The following THSD7B variants were observed in gnomAD, a reference collection of about 807,000 sequenced individuals.
The protein encoded by THSD7B is thrombospondin type-1 domain-containing protein 7B.
A neutral mutation model predicts 213.6 loss-of-function variants in THSD7B; 138 were observed. The ratio of observed to expected loss-of-function variants is 0.65; its 90% CI spans 0.56 to 0.74. The LOEUF is 0.74. Among genes scored for constraint, THSD7B ranks in the 30% least tolerant of loss-of-function variants. The pLI, the probability that THSD7B is intolerant of heterozygous loss-of-function variation, is 0.00. For synonymous variants in THSD7B, 742 were observed against 687.0 expected (o/e 1.08, Z -1.25); for missense variants, 1,931 against 1,991.5 (o/e 0.97, Z 0.58).
chr2:136,874,403 T>C (rs1573681947), intron 1 of THSD7B, among the ~76,000 whole-genome samples: 1 of 152,190 alleles, frequency 6.6e-6, no homozygotes, highest in African/African-American at 2.4e-5. Flanking sequence ...TGCAGAATAT[T>C]GCAGTCAGAC....
intron 1 of THSD7B, among the ~76,000 whole-genome samples, chr2:136,830,798 GC>G (rs1271603328): frequency 6.6e-6 from 1 of 152,006 alleles, no homozygotes; most frequent in Non-Finnish European, 1.5e-5. Context: ...ATTTAGTTAT[GC>G]CCTGTCGAAA....
intron 20 of THSD7B, among the ~76,000 whole-genome samples, chr2:137,632,933 AC>A (rs1223691008): frequency 6.6e-6 from 1 of 152,086 alleles, no homozygotes; most frequent in Non-Finnish European, 1.5e-5. Flanking sequence ...GTATCCGGAG[AC>A]CTGAAGCAAC....
chr2:137,286,463 T>G (rs1231275671), intron 12 of THSD7B, among the ~76,000 whole-genome samples: 1 of 152,178 alleles, frequency 6.6e-6, no homozygotes, highest in Non-Finnish European at 1.5e-5. Flanking sequence ...TATCCTTGTA[T>G]TTTAGGAGAC....
intron 15 of THSD7B, among the ~76,000 whole-genome samples, chr2:137,519,042 TC>T (rs1371931140): frequency 6.6e-6 from 1 of 152,084 alleles, no homozygotes; most frequent in East Asian, 1.9e-4. Flanking sequence ...GGTCAGGAGT[TC>T]AAGACCAGCC....
At chr2:137,614,935 G>T (rs552760142) in intron 17 of THSD7B, among the ~76,000 whole-genome samples, 1 of 152,098 alleles carries the variant, frequency 6.6e-6, no homozygotes, top group Non-Finnish European at 1.5e-5. Flanking sequence ...GGAATAAAAA[G>T]CAAATAAAAT....
intron 2 of THSD7B, among the ~76,000 whole-genome samples, chr2:136,904,092 G>A (rs1025413963): frequency 6.6e-6 from 1 of 152,014 alleles, no homozygotes; most frequent in Middle Eastern, 3.2e-3. Context: ...AGAATAAGAG[G>A]AGGCCTTTTA....
chr2:136,957,500 A>T (rs1402110106), intron 2 of THSD7B, among the ~76,000 whole-genome samples: 1 of 151,794 alleles, frequency 6.6e-6, no homozygotes, highest in Admixed American at 6.6e-5. Flanking sequence ...TCTTTCTGAA[A>T]CTAGTACCAG....
At chr2:136,996,052 A>G (rs1685881071) in intron 2 of THSD7B, among the ~76,000 whole-genome samples, 1 of 152,186 alleles carries the variant, frequency 6.6e-6, no homozygotes, top group Non-Finnish European at 1.5e-5. Flanking sequence ...GTATCTTTGA[A>G]GAGCAACATA....
intron 12 of THSD7B, among the ~76,000 whole-genome samples, chr2:137,305,223 G>T (rs1003625263): frequency 6.6e-6 from 1 of 152,112 alleles, no homozygotes; most frequent in African/African-American, 2.4e-5. Context: ...GAAGTCTTAT[G>T]CCAATCAGGC....
At chr2:136,778,592 T>C (rs1681657066) in intron 1 of THSD7B, among the ~76,000 whole-genome samples, 1 of 152,204 alleles carries the variant, frequency 6.6e-6, no homozygotes, top group African/African-American at 2.4e-5. Context: ...TTTTGATGCA[T>C]CTTTTAAAAA....
At chr2:137,658,951 C>T (rs1006718701) in intron 24 of THSD7B, among the ~76,000 whole-genome samples, 1 of 152,190 alleles carries the variant, frequency 6.6e-6, no homozygotes, top group Non-Finnish European at 1.5e-5. Flanking sequence ...TCTCATGTCT[C>T]TTTTACTATC....
intron 20 of THSD7B, among the ~76,000 whole-genome samples, chr2:137,637,257 A>G (rs1264735706): frequency 6.6e-6 from 1 of 152,184 alleles, no homozygotes; most frequent in East Asian, 1.9e-4. Flanking sequence ...CTCTTTATTG[A>G]TAACATCCAC....
intron 3 of THSD7B, among the ~76,000 whole-genome samples, chr2:137,058,496 G>GA (rs34412469): frequency 4.6e-5 from 7 of 151,742 alleles, no homozygotes; most frequent in Non-Finnish European, 7.4e-5. Flanking sequence ...TAAATTTTCA[G>GA]AAAAAATGAG....
chr2:137,047,288 A>T (rs1187961106), intron 2 of THSD7B, among the ~76,000 whole-genome samples: 2 of 152,044 alleles, frequency 1.3e-5, no homozygotes, highest in Non-Finnish European at 2.9e-5. Flanking sequence ...ATCTTTGTAA[A>T]CCTTCCTGAA....
chr2:137,336,550 A>G (rs1684642980), intron 12 of THSD7B, among the ~76,000 whole-genome samples: 1 of 152,118 alleles, frequency 6.6e-6, no homozygotes, highest in South Asian at 2.1e-4. Context: ...TTCATATCAA[A>G]CCAAAATCAA....
Position 136,779,196 on chromosome 2 carries a change from ATATGTGTGTGTGTG to A in THSD7B, c.-36+13511_-36+13524del, listed in dbSNP as rs1326806088. Among the ~76,000 whole-genome samples, 111 of 134,366 alleles carry A rather than the reference ATATGTGTGTGTGTG, an allele frequency of 8.3e-4. 1 individual carries two copies. The highest frequency in any genetic ancestry group is 4.9e-3 in the Admixed American group (66 of 13,436). The allele number at this position is 134,366 out of a possible 152,430, so 88.1% of individuals were successfully genotyped here. On this transcript the variant is annotated intron_variant, in intron 1 of 27. Coordinates refer to ENST00000409968, the MANE Select transcript of THSD7B (RefSeq NM_001316349.2). ...ACACGTGTTAAAAGGCTATATATATATATGTGTGTGTGTGTGTGTGTGTGTGTGTGTGTGTGTGT... is the reference window on the plus strand; with the variant it reads ...ACACGTGTTAAAAGGCTATATATATATGTGTGTGTGTGTGTGTGTGTGTGT...
At chr2:137,558,175 T>C (rs1159987786) in intron 15 of THSD7B, among the ~76,000 whole-genome samples, 1 of 152,040 alleles carries the variant, frequency 6.6e-6, no homozygotes, top group Non-Finnish European at 1.5e-5. Flanking sequence ...ACTATTCCAA[T>C]CAATAGAAAA....
chr2:137,003,517 G>A (rs1214415518), intron 2 of THSD7B, among the ~76,000 whole-genome samples: 1 of 152,192 alleles, frequency 6.6e-6, no homozygotes, highest in Non-Finnish European at 1.5e-5. Context: ...TGGCATGGCA[G>A]TATTGTGAAG....
intron 10 of THSD7B, among the ~76,000 whole-genome samples, chr2:137,256,879 A>G (rs1208156583): frequency 6.6e-6 from 1 of 152,170 alleles, no homozygotes; most frequent in Admixed American, 6.5e-5. Context: ...AAACTGGGTA[A>G]CTTATAAAGA....
Sources: gnomAD v4.1 joint callset for allele counts (sites outside exome capture counted in the v4.1 genomes callset) on GRCh38, gnomAD v4.1.1 for gene constraint, MANE v1.5 for transcripts, NCBI Gene and HGNC (gene_info 2026-07-23, HGNC 2026-07-21) for gene names.